DESI2: variants seen among roughly 807,000 people sequenced by gnomAD.
DESI2 encodes the protein desumoylating isopeptidase 2.
A neutral mutation model predicts 24.1 loss-of-function variants in DESI2; 10 were observed. That is an observed-to-expected ratio of 0.41 (90% confidence interval 0.26 to 0.70). The LOEUF is 0.70. Ranked by LOEUF, DESI2 falls within the 30% of genes least tolerant of loss-of-function variation. The probability of loss-of-function intolerance (pLI) is 0.29; values close to 1 mark genes in which losing one functional copy is unlikely to be tolerated. For synonymous variants in DESI2, 71 were observed against 87.7 expected (o/e 0.81, Z 1.06); for missense variants, 122 against 234.9 (o/e 0.52, Z 3.14).
chr1:244,655,614 A>T (rs1186963910), intron 1 of DESI2, among the ~76,000 whole-genome samples: 1 of 152,218 alleles, frequency 6.6e-6, no homozygotes, highest in African/African-American at 2.4e-5. Flanking sequence ...ACAGAATAGC[A>T]TGGTTTTGAT....
At chr1:244,683,085 G>T (rs965801187) in intron 1 of DESI2, among the ~76,000 whole-genome samples, 4 of 152,086 alleles carry the variant, frequency 2.6e-5, no homozygotes, top group South Asian at 2.1e-4. Flanking sequence ...ATCCAGGGGG[G>T]TTCTGGCTAA....
At position 244,689,418 on chromosome 1, in the gene DESI2, G is replaced by A. The variant is rs1471169187; in HGVS notation, c.209+76G>A. 4.4e-6 allele frequency: 3 copies of A among 679,074 alleles called. No individual in the cohort carries two copies. Among genetic ancestry groups the A allele is most frequent in the Admixed American group, 2.6e-5 (1 of 37,962 alleles). The allele number at this position is 679,074 out of a possible 1,614,324, so 42.1% of individuals were successfully genotyped here. On this transcript the variant is annotated intron_variant, in intron 3 of 4. Transcript: ENST00000302550. The surrounding 1 kb of genome is among the most constrained non-coding windows in gnomAD (Gnocchi z 4.0). Reference sequence around the variant, plus strand: ...TTTTCAGGTATACAGAATTCATTCTGTAAATCAAAACAAACCCAAGAAGTT... The same window carrying A: ...TTTTCAGGTATACAGAATTCATTCTATAAATCAAAACAAACCCAAGAAGTT...
chr1:244,664,786 A>G (rs1675986097), intron 1 of DESI2, among the ~76,000 whole-genome samples: 1 of 152,276 alleles, frequency 6.6e-6, no homozygotes, highest in Non-Finnish European at 1.5e-5. Flanking sequence ...AAGTGTATTT[A>G]TAAGTGTCCT....
intron 1 of DESI2, among the ~76,000 whole-genome samples, chr1:244,665,748 A>G (rs184795476): frequency 1.4e-3 from 207 of 152,354 alleles, no homozygotes; most frequent in Admixed American, 2.9e-3. Context: ...TTGGCTCCAG[A>G]CAAGCTGCAA....
intron 4 of DESI2, among the ~76,000 whole-genome samples, chr1:244,692,351 G>T (rs1272049742): frequency 6.6e-6 from 1 of 151,932 alleles, no homozygotes; most frequent in African/African-American, 2.4e-5. Flanking sequence ...AGCCACTAAG[G>T]TTTCTCTTTG....
At position 244,689,409 on chromosome 1, in the gene DESI2, A is replaced by T; in HGVS notation, c.209+67A>T. On this transcript the variant is annotated intron_variant, in intron 3 of 4. Coordinates refer to ENST00000302550, the MANE Select transcript of DESI2 (RefSeq NM_016076.5). This position sits in a 1 kb window ranked among gnomAD's most constrained non-coding sequence, Gnocchi z 4.0. ...CATAGCTTGTTTTCAGGTATACAGA[A>T]TTCATTCTGTAAATCAAAACAAACC... 1 of 726,304 alleles carries T rather than the reference A, an allele frequency of 1.4e-6. No homozygotes were observed. Among genetic ancestry groups the T allele is most frequent in the South Asian group, 1.8e-5 (1 of 54,606 alleles). 45.0% of individuals were successfully genotyped at this position (726,304 alleles called of 1,614,324 possible). A position where few individuals can be genotyped will look rare whatever the true frequency, so the allele number is the denominator to read the frequency against.
intron 1 of DESI2, among the ~76,000 whole-genome samples, chr1:244,674,128 G>A (rs182367652): frequency 3.4e-4 from 52 of 151,216 alleles, no homozygotes; most frequent in Non-Finnish European, 5.9e-5. Context: ...CCAAGTAGCT[G>A]GAACTACAGG....
At chr1:244,665,676 G>C (rs777896154) in intron 1 of DESI2, among the ~76,000 whole-genome samples, 15 of 152,168 alleles carry the variant, frequency 9.9e-5, no homozygotes, top group Non-Finnish European at 1.6e-4. Context: ...ATATGGATGG[G>C]CTTCATCCAG....
At chr1:244,701,223 CCCCCCCCCCCCG>C (rs1298593774) in intron 4 of DESI2, among the ~76,000 whole-genome samples, 1,560 of 80,530 alleles carry the variant, frequency 0.019, 143 homozygotes, top group African/African-American at 0.084. Flanking sequence ...CCACCCCCCC[CCCCCCCCCCCCG>C]CCCTTTTAAC....
intron 1 of DESI2, among the ~76,000 whole-genome samples, chr1:244,679,274 G>A (rs914089447): frequency 6.6e-6 from 1 of 152,110 alleles, no homozygotes; most frequent in Non-Finnish European, 1.5e-5. Flanking sequence ...TCTGTGAAAA[G>A]GGGGAGAAAG....
chr1:244,699,578 C>CAAAAAAAAAAAAAAAAAAAAAAAAAAAAA (rs559295405), intron 4 of DESI2, among the ~76,000 whole-genome samples: 1 of 66,194 alleles, frequency 1.5e-5, no homozygotes, highest in African/African-American at 5.2e-5. Flanking sequence ...GAGACTGTCT[C>CAAAAAAAAAAAAAAAAAAAAAAAAAAAAA]AAAAAAAAAA....
chr1:244,705,448 C>A (rs894740503), intron 4 of DESI2, 108 bp from the exon 5 acceptor site: 3 of 821,248 alleles, frequency 3.7e-6, no homozygotes, highest in Non-Finnish European at 6.0e-6. Context: ...GCTAGTCTGC[C>A]GTGGCTTCTC....
At chr1:244,683,373 G>T (rs1055201415) in intron 1 of DESI2, among the ~76,000 whole-genome samples, 2 of 152,006 alleles carry the variant, frequency 1.3e-5, no homozygotes, top group Admixed American at 6.5e-5. Context: ...GTGCAGTGGC[G>T]TGATCTCGGC....
chr1:244,656,840 T>A (rs1675663541), intron 1 of DESI2, among the ~76,000 whole-genome samples: 1 of 152,190 alleles, frequency 6.6e-6, no homozygotes, highest in Non-Finnish European at 1.5e-5. Flanking sequence ...AGTGGTGCGA[T>A]CTCGGCTCAC....
chr1:244,695,423 G>A (rs1325326078), intron 4 of DESI2, among the ~76,000 whole-genome samples: 1 of 152,228 alleles, frequency 6.6e-6, no homozygotes, highest in African/African-American at 2.4e-5. Context: ...GGAGGCCAAG[G>A]TCGGGGGATC....
At chr1:244,695,698 A>C (rs1677187346) in intron 4 of DESI2, among the ~76,000 whole-genome samples, 1 of 152,218 alleles carries the variant, frequency 6.6e-6, no homozygotes, top group South Asian at 2.1e-4. Flanking sequence ...AATTCAAAAC[A>C]TATAAAAGTA....
At chr1:244,703,467 T>G (rs1677560321) in intron 4 of DESI2, among the ~76,000 whole-genome samples, 1 of 152,078 alleles carries the variant, frequency 6.6e-6, no homozygotes, top group African/African-American at 2.4e-5. Context: ...GCAATCCCCC[T>G]GCCCTAGCCT....
rs1424375391 is a variant in DESI2 at position 244,707,473 on chromosome 1, G to T, written c.*1684G>T. 2.0e-5 allele frequency: 3 copies of T among 152,568 alleles called. No homozygotes were observed. The highest frequency in any genetic ancestry group is 7.2e-5 in the African/African-American group (3 of 41,428). The allele number at this position is 152,568 out of a possible 1,614,324, so 9.5% of individuals were successfully genotyped here. On this transcript the variant is annotated 3_prime_UTR_variant, in exon 5 of 5. Transcript: ENST00000302550. ...AGGGGCAGAAGGCTTGTTTCAAGAG[G>T]TTTGACAGAAGAAAGGAATATATGA...
intron 2 of DESI2, 99 bp downstream of exon 2, chr1:244,686,768 C>CAT (rs2148805248): frequency 1.4e-6 from 1 of 696,940 alleles, no homozygotes; most frequent in South Asian, 1.9e-5. Context: ...TAACCACTTG[C>CAT]ATATGTTATT....
Sources: allele counts gnomAD v4.1 joint callset (sites outside exome capture counted in the v4.1 genomes callset), GRCh38; gene constraint gnomAD v4.1.1; non-coding constraint Gnocchi (gnomAD v3.1); transcripts MANE v1.5; gene names NCBI Gene and HGNC (gene_info 2026-07-23, HGNC 2026-07-21).